Variants in CRPPA observed in about 807,000 individuals in gnomAD.
The protein encoded by CRPPA is D-ribitol-5-phosphate cytidylyltransferase.
In CRPPA, 43 loss-of-function variants were observed where a neutral mutation model predicts 52.0. The ratio of observed to expected loss-of-function variants is 0.83; its 90% CI spans 0.65 to 1.07. The LOEUF is 1.07. Ranked by LOEUF, CRPPA falls within the 50% of genes least tolerant of loss-of-function variation. The pLI, the probability that CRPPA is intolerant of heterozygous loss-of-function variation, is 0.00. For synonymous variants in CRPPA, 250 were observed against 203.5 expected (o/e 1.23, Z -1.94); for missense variants, 629 against 551.7 (o/e 1.14, Z -1.40).
chr7:16,251,749 G>A (rs890119865), intron 8 of CRPPA, among the ~76,000 whole-genome samples: 6 of 152,118 alleles, frequency 3.9e-5, no homozygotes, highest in Non-Finnish European at 8.8e-5. Flanking sequence ...GAAATTTATA[G>A]TACTAAATAC....
intron 3 of CRPPA, among the ~76,000 whole-genome samples, chr7:16,343,653 A>C (rs570422586): frequency 2.0e-4 from 31 of 152,164 alleles, no homozygotes; most frequent in Non-Finnish European, 3.5e-4. Context: ...GTTGAGGCGC[A>C]CAAGAAGCTA....
chr7:16,093,866 A>G (rs1370346839), intron 9 of CRPPA, among the ~76,000 whole-genome samples: 3 of 152,144 alleles, frequency 2.0e-5, no homozygotes, highest in East Asian at 3.9e-4. Flanking sequence ...ATCTATTCCT[A>G]AGTCTCATTT....
chr7:16,151,060 C>T (rs1167368205), intron 9 of CRPPA, among the ~76,000 whole-genome samples: 1 of 152,134 alleles, frequency 6.6e-6, no homozygotes, highest in Admixed American at 6.5e-5. Context: ...GCCTGTTTTG[C>T]AGTCACTAAT....
chr7:16,191,955 C>A (rs1297607061), intron 9 of CRPPA, among the ~76,000 whole-genome samples: 4 of 152,148 alleles, frequency 2.6e-5, no homozygotes, highest in Non-Finnish European at 5.9e-5. Context: ...TTCACTGGTG[C>A]AGTCCAAGCT....
intron 3 of CRPPA, among the ~76,000 whole-genome samples, chr7:16,356,579 G>C (rs1291434381): frequency 6.6e-6 from 1 of 152,258 alleles, no homozygotes; most frequent in Middle Eastern, 3.4e-3. Flanking sequence ...GCTGCATAAA[G>C]TTCCCCAATT....
chr7:16,398,686 T>A (rs999338876), intron 2 of CRPPA, among the ~76,000 whole-genome samples: 3 of 152,038 alleles, frequency 2.0e-5, no homozygotes, highest in African/African-American at 7.2e-5. Context: ...GACATGTGAC[T>A]GACACGATTG....
intron 2 of CRPPA, among the ~76,000 whole-genome samples, chr7:16,399,561 G>C (rs1166970470): frequency 6.6e-6 from 1 of 151,956 alleles, no homozygotes; most frequent in Non-Finnish European, 1.5e-5. Context: ...TGAATGACAT[G>C]ACACGTTTGT....
chr7:16,321,182 G>A (rs1283048982), intron 3 of CRPPA, among the ~76,000 whole-genome samples: 1 of 151,972 alleles, frequency 6.6e-6, no homozygotes, highest in African/African-American at 2.4e-5. Context: ...AAATAATTGG[G>A]GGAAAGAAGT....
intron 9 of CRPPA, among the ~76,000 whole-genome samples, chr7:16,192,704 C>T (rs1418795460): frequency 1.3e-5 from 2 of 152,090 alleles, no homozygotes; most frequent in African/African-American, 4.8e-5. Context: ...TGTTTAACCT[C>T]CATATTTGTA....
intron 3 of CRPPA, among the ~76,000 whole-genome samples, chr7:16,329,301 C>G (rs1785493793): frequency 6.6e-6 from 1 of 152,158 alleles, no homozygotes; most frequent in Admixed American, 6.5e-5. Context: ...ATGGAAGTTA[C>G]AAATGAAAGG....
At chr7:16,138,138 C>G (rs1323716890) in intron 9 of CRPPA, among the ~76,000 whole-genome samples, 1 of 152,082 alleles carries the variant, frequency 6.6e-6, no homozygotes, top group African/African-American at 2.4e-5. Flanking sequence ...ATATATGTGA[C>G]TTATTTCTCC....
Position 16,260,373 on chromosome 7 carries a change from G to T in CRPPA, c.934-1361C>A, listed in dbSNP as rs1327445795. Among the ~76,000 whole-genome samples, 5 of 151,968 alleles carry T rather than the reference G, an allele frequency of 3.3e-5. No homozygotes were observed. In the East Asian group the frequency reaches 9.6e-4, roughly 29 times the overall value. ...TCTTGAGGAGCAGATGGGCTGATTT[G>T]CCTGTATAAGGCCAGGGTTTCCTAC... is the stretch of plus-strand genomic sequence containing the variant. On this transcript the variant is annotated intron_variant, in intron 6 of 9. Transcript: ENST00000407010.
chr7:16,240,379 C>A (rs1295608288), intron 8 of CRPPA, among the ~76,000 whole-genome samples: 1 of 151,642 alleles, frequency 6.6e-6, no homozygotes, highest in African/African-American at 2.4e-5. Context: ...GAGCAGTGTA[C>A]AACTATGAAA....
intron 3 of CRPPA, among the ~76,000 whole-genome samples, chr7:16,332,954 A>G (rs1785589002): frequency 6.6e-6 from 1 of 152,168 alleles, no homozygotes; most frequent in Non-Finnish European, 1.5e-5. Context: ...CCACGCTAAC[A>G]TTATCAAAAG....
At chr7:16,194,117 G>A (rs565200372) in intron 9 of CRPPA, among the ~76,000 whole-genome samples, 1 of 152,222 alleles carries the variant, frequency 6.6e-6, no homozygotes, top group South Asian at 2.1e-4. Context: ...AGTGACAGAT[G>A]AGACAAAGAG....
At chr7:16,124,934 T>C (rs1277185957) in intron 9 of CRPPA, among the ~76,000 whole-genome samples, 1 of 152,018 alleles carries the variant, frequency 6.6e-6, no homozygotes, top group East Asian at 1.9e-4. Flanking sequence ...AAAGAAAGAA[T>C]AGCTTTTTTG....
At chr7:16,103,324 G>A (rs1384310751) in intron 9 of CRPPA, among the ~76,000 whole-genome samples, 1 of 152,102 alleles carries the variant, frequency 6.6e-6, no homozygotes, top group Non-Finnish European at 1.5e-5. Flanking sequence ...GACTAGGGGA[G>A]GGATAGCATT....
intron 8 of CRPPA, among the ~76,000 whole-genome samples, chr7:16,237,969 T>A (rs1047318103): frequency 6.6e-6 from 1 of 152,164 alleles, no homozygotes; most frequent in African/African-American, 2.4e-5. Flanking sequence ...CCAGGCTAAA[T>A]TGCCTCTTTT....
chr7:16,105,249 C>T (rs940657679), intron 9 of CRPPA, among the ~76,000 whole-genome samples: 2 of 152,120 alleles, frequency 1.3e-5, no homozygotes, highest in African/African-American at 4.8e-5. Flanking sequence ...CACTTGGAAA[C>T]AAGACTGAGA....
Sources: allele counts gnomAD v4.1 joint callset (sites outside exome capture counted in the v4.1 genomes callset), GRCh38; gene constraint gnomAD v4.1.1; transcripts MANE v1.5; gene names NCBI Gene and HGNC (gene_info 2026-07-23, HGNC 2026-07-21).